The following PCDH7 variants were observed in gnomAD, a reference collection of about 807,000 sequenced individuals.
PCDH7 encodes the protein protocadherin-7.
A neutral mutation model predicts 58.9 loss-of-function variants in PCDH7; 17 were observed. That is an observed-to-expected ratio of 0.29 (90% CI 0.20 to 0.43). PCDH7 has a LOEUF of 0.43. PCDH7 is among the 20% of genes least tolerant of loss of function. The probability of loss-of-function intolerance (pLI) is 1.00; values close to 1 mark genes in which losing one functional copy is unlikely to be tolerated. For synonymous variants in PCDH7, 664 were observed against 616.4 expected (o/e 1.08, Z -1.14); for missense variants, 1,274 against 1,441.0 (o/e 0.88, Z 1.88).
At chr4:30,847,629 T>G (rs991403243) in intron 1 of PCDH7, among the ~76,000 whole-genome samples, 1 of 152,220 alleles carries the variant, frequency 6.6e-6, no homozygotes. Context: ...GTGAAACTTT[T>G]TTTTAAAAAA....
At chr4:30,954,976 C>T (rs1392499747) in intron 3 of PCDH7, among the ~76,000 whole-genome samples, 2 of 152,238 alleles carry the variant, frequency 1.3e-5, no homozygotes, top group East Asian at 3.9e-4. Flanking sequence ...ATTCTGAGAG[C>T]TTGCTTTGAC....
intron 1 of PCDH7, among the ~76,000 whole-genome samples, chr4:30,864,941 A>C (rs1734690627): frequency 6.6e-6 from 1 of 152,152 alleles, no homozygotes; most frequent in Non-Finnish European, 1.5e-5. Context: ...AGTTTTATAT[A>C]AGTTACAACA....
chr4:30,827,828 C>T (rs1283581160), intron 1 of PCDH7, among the ~76,000 whole-genome samples: 1 of 152,062 alleles, frequency 6.6e-6, no homozygotes, highest in African/African-American at 2.4e-5. Flanking sequence ...TATTGGAAGA[C>T]ATGTTTAGGA....
At chr4:30,868,899 GA>G (rs1404993050) in intron 1 of PCDH7, 1 of 152,036 alleles carries the variant, frequency 6.6e-6, no homozygotes, top group Non-Finnish European at 1.5e-5. Flanking sequence ...TTTACTTGTT[GA>G]AGTTTTATCT....
intron 3 of PCDH7, among the ~76,000 whole-genome samples, chr4:31,075,849 A>G (rs1430499610): frequency 1.3e-5 from 2 of 151,858 alleles, no homozygotes; most frequent in East Asian, 1.9e-4. Context: ...CACTTTTTCT[A>G]TGGAAAATTT....
chr4:31,064,312 A>G (rs1183484908), intron 3 of PCDH7, among the ~76,000 whole-genome samples: 1 of 152,004 alleles, frequency 6.6e-6, no homozygotes, highest in African/African-American at 2.4e-5. Context: ...AGGAACCTTT[A>G]AAATGTTGGC....
intron 3 of PCDH7, among the ~76,000 whole-genome samples, chr4:31,062,418 T>G (rs938782730): frequency 1.3e-5 from 2 of 151,816 alleles, no homozygotes; most frequent in Non-Finnish European, 2.9e-5. Flanking sequence ...AATAGTTTTC[T>G]TGTTCATTTA....
At chr4:30,994,734 A>G (rs939258339) in intron 3 of PCDH7, among the ~76,000 whole-genome samples, 4 of 152,202 alleles carry the variant, frequency 2.6e-5, no homozygotes, top group Non-Finnish European at 5.9e-5. Context: ...AAATGTATAA[A>G]AAATCACTAT....
chr4:30,848,189 T>C (rs181853907), intron 1 of PCDH7, among the ~76,000 whole-genome samples: 13 of 152,246 alleles, frequency 8.5e-5, no homozygotes, highest in Admixed American at 8.5e-4. Flanking sequence ...TTAATGAAGA[T>C]AGCATCGGCA....
At chr4:30,843,019 C>T (rs994511295) in intron 1 of PCDH7, among the ~76,000 whole-genome samples, 11 of 151,454 alleles carry the variant, frequency 7.3e-5, no homozygotes, top group African/African-American at 2.4e-4. Context: ...CAATTACTAC[C>T]GGCATATGGT....
chr4:30,890,339 C>T (rs1288507111), intron 1 of PCDH7, among the ~76,000 whole-genome samples: 1 of 151,934 alleles, frequency 6.6e-6, no homozygotes, highest in Non-Finnish European at 1.5e-5. Flanking sequence ...AGAAAAAATA[C>T]CTTACACACT....
chr4:31,032,853 T>C (rs979239169), intron 3 of PCDH7, among the ~76,000 whole-genome samples: 3 of 152,192 alleles, frequency 2.0e-5, no homozygotes, highest in Non-Finnish European at 1.5e-5. Flanking sequence ...CATGAAATGA[T>C]GTTTTATCTT....
chr4:30,766,369 A>G (rs1560347399), intron 1 of PCDH7, among the ~76,000 whole-genome samples: 4 of 152,080 alleles, frequency 2.6e-5, no homozygotes, highest in Admixed American at 2.6e-4. Flanking sequence ...ATCTAAAAAA[A>G]TTTTCTTTGA....
chr4:30,758,025 G>T (rs905071742), intron 1 of PCDH7, among the ~76,000 whole-genome samples: 1 of 152,104 alleles, frequency 6.6e-6, no homozygotes, highest in African/African-American at 2.4e-5. Flanking sequence ...TGATTAATAA[G>T]ACATTGATAA....
chr4:31,010,318 C>A (rs1753076868), intron 3 of PCDH7, among the ~76,000 whole-genome samples: 1 of 151,750 alleles, frequency 6.6e-6, no homozygotes, highest in South Asian at 2.1e-4. Context: ...TTAAATAAAC[C>A]ATCATTTATC....
intron 2 of PCDH7, among the ~76,000 whole-genome samples, chr4:30,945,956 G>A (rs1746626114): frequency 6.6e-6 from 1 of 151,944 alleles, no homozygotes; most frequent in African/African-American, 2.4e-5. Context: ...TGCCCTTTTT[G>A]ACGATTATTC....
intron 3 of PCDH7, among the ~76,000 whole-genome samples, chr4:30,998,818 A>C (rs1435264135): frequency 6.6e-6 from 1 of 152,130 alleles, no homozygotes; most frequent in African/African-American, 2.4e-5. Context: ...ATTACATGAG[A>C]TAAGATATAT....
chr4:30,814,970 C>G (rs1727482202), intron 1 of PCDH7, among the ~76,000 whole-genome samples: 1 of 151,874 alleles, frequency 6.6e-6, no homozygotes. Context: ...TTTCCCTGTA[C>G]TAGATGGGCT....
Position 30,723,462 on chromosome 4 carries a change from GAAC to G in PCDH7, c.2043_2045del (p.Asn683del). On this transcript the variant is annotated inframe_deletion, in exon 1 of 2. Coordinates refer to ENST00000361762, the Ensembl canonical transcript of PCDH7. The surrounding 1 kb of genome is among the most constrained non-coding windows in gnomAD (Gnocchi z 4.6). Reference sequence around the variant, plus strand: ...CAGAGATGAGCCTGTACATAGAGGAGAACAATAACATTTTTTCTATTGAAAATG... The same window carrying G: ...CAGAGATGAGCCTGTACATAGAGGAGAATAACATTTTTTCTATTGAAAATG... 6.2e-7 allele frequency: 1 copy of G among 1,614,146 alleles called. No individual in the cohort carries two copies. Among genetic ancestry groups the G allele is most frequent in the Non-Finnish European group, 8.5e-7 (1 of 1,180,020 alleles).
Sources: gnomAD v4.1 joint callset for allele counts (sites outside exome capture counted in the v4.1 genomes callset) on GRCh38, gnomAD v4.1.1 for gene constraint, Gnocchi (gnomAD v3.1) non-coding constraint, MANE v1.5 for transcripts, NCBI Gene and HGNC (gene_info 2026-07-23, HGNC 2026-07-21) for gene names.